Variants in FUBP1 observed in about 807,000 individuals in gnomAD.
The protein encoded by FUBP1 is far upstream element binding protein 1, also known as far upstream element-binding protein 1.
Under a neutral mutation model 94.9 loss-of-function variants are expected in FUBP1, and 16 were observed. The ratio of observed to expected loss-of-function variants is 0.17; its 90% CI spans 0.11 to 0.26. The LOEUF (loss-of-function observed/expected upper bound fraction) is 0.26. Among genes scored for constraint, FUBP1 ranks in the 10% least tolerant of loss-of-function variants. The pLI, the probability that FUBP1 is intolerant of heterozygous loss-of-function variation, is 1.00. For synonymous variants in FUBP1, 279 were observed against 254.9 expected, an observed-to-expected ratio of 1.09 and a Z score of -0.90; for missense variants, 583 against 808.6, an observed-to-expected ratio of 0.72 and a Z score of 3.38.
intron 18 of FUBP1, 140 bp from the exon 19 acceptor site, chr1:77,949,440 A>C: frequency 1.6e-6 from 1 of 619,084 alleles, no homozygotes; most frequent in South Asian, 2.4e-5. Flanking sequence ...TTGACCAAAA[A>C]AAAAAACCCC....
chr1:77,963,918 G>T, intron 12 of FUBP1, 144 bp downstream of exon 12: 1 of 685,534 alleles, frequency 1.5e-6, no homozygotes, highest in East Asian at 2.7e-5. Flanking sequence ...CCTGCTCCAA[G>T]ATCTTTACCT....
At chr1:77,964,229 T>C in intron 11 of FUBP1, 25 bp downstream of exon 11, 1 of 1,554,172 alleles carries the variant, frequency 6.4e-7, no homozygotes, top group South Asian at 1.1e-5. Context: ...CTGCCAACAC[T>C]TACAAGATTA....
Position 77,948,790 on chromosome 1 carries a change from A to G in FUBP1, c.1927-16T>C, listed in dbSNP as rs771797187. 6.2e-7 allele frequency: 1 copy of G among 1,606,186 alleles called. No homozygotes were observed. Among genetic ancestry groups the G allele is most frequent in the East Asian group, 2.2e-5 (1 of 44,796 alleles). ...ATTATTGGCCCTGTGCAGAAGAGAT[A>G]CATAAGAAATACACAAAAAGTTAAA... On this transcript the variant is annotated splice_polypyrimidine_tract_variant and intron_variant, in intron 19 of 19. Coordinates refer to ENST00000370768, the MANE Select transcript of FUBP1 (RefSeq NM_003902.5).
chr1:77,966,099 G>C (rs1006706100), intron 7 of FUBP1, among the ~76,000 whole-genome samples: 1 of 152,224 alleles, frequency 6.6e-6, no homozygotes, highest in African/African-American at 2.4e-5. Context: ...ACCTTCAGTA[G>C]GAAGAAAGGG....
At chr1:77,949,686 T>A (rs1652992917) in intron 18 of FUBP1, among the ~76,000 whole-genome samples, 1 of 152,190 alleles carries the variant, frequency 6.6e-6, no homozygotes, top group Non-Finnish European at 1.5e-5. Context: ...AAATCCACAC[T>A]GCTTTAGCTA....
intron 1 of FUBP1, among the ~76,000 whole-genome samples, chr1:77,970,454 G>C (rs576024660): frequency 5.3e-5 from 8 of 152,300 alleles, no homozygotes; most frequent in African/African-American, 1.9e-4. Flanking sequence ...AGTCTGAAAT[G>C]ATACTTGCTC....
At position 77,969,664 on chromosome 1, in the gene FUBP1, G is replaced by C. The variant is rs563016474; in HGVS notation, c.211+261C>G. On this transcript the variant is annotated intron_variant, in intron 2 of 19. Coordinates refer to ENST00000370768, the MANE Select transcript of FUBP1 (RefSeq NM_003902.5). ...GACGTCTGTGCAAACTTTCAATCTG[G>C]CACAATCCTAAAAGAGGGAAAATAA... Among the ~76,000 whole-genome samples the C allele has an allele frequency of 1.2e-4, 18 of 151,662 alleles. No homozygotes were observed. In the South Asian group the frequency reaches 2.5e-3, roughly 21 times the overall value.
Position 77,948,387 on chromosome 1 carries a change from T to A in FUBP1, c.*379A>T, listed in dbSNP as rs1170765865. On this transcript the variant is annotated 3_prime_UTR_variant, in exon 20 of 20. Coordinates refer to ENST00000370768, the MANE Select transcript of FUBP1 (RefSeq NM_003902.5). ...TATGAATCCTTTAAATACCCACATA[T>A]CCAACTTACCGACACAGGAGGTTTC... The A allele has an allele frequency of 9.3e-7, 1 of 1,072,474 alleles. No homozygotes were observed. Among genetic ancestry groups the A allele is most frequent in the East Asian group, 4.9e-5 (1 of 20,606 alleles). The allele number at this position is 1,072,474 out of a possible 1,614,324, so 66.4% of individuals were successfully genotyped here. A position where few individuals can be genotyped will look rare whatever the true frequency, so the allele number is the denominator to read the frequency against.
intron 2 of FUBP1, among the ~76,000 whole-genome samples, chr1:77,968,557 C>G (rs1656939084): frequency 6.6e-6 from 1 of 151,250 alleles, no homozygotes; most frequent in Admixed American, 6.6e-5. Flanking sequence ...ACCTCAGGAA[C>G]TGAAGACTGG....
chr1:77,960,476 C>T lies in FUBP1; in HGVS notation c.1364G>A (p.Gly455Glu), dbSNP rs1655245413. The change falls in exon 15 of 20, where the codon GGG becomes GAG. Residue 455 changes from glycine to glutamate, a missense_variant. Physicochemically the swap from Gly to Glu is moderately conservative, Grantham distance 98. Transcript: ENST00000370768. ...ATGGGGCCCATGGGGTACAGGTGGC[C>T]CTAAAGGATTTACTGGGCCCTACAA... ...EKIGGPVNPL[G>E]PPVPHGPHGV... is the part of the protein sequence containing the mutation. 2 of 1,600,572 alleles carry T rather than the reference C, an allele frequency of 1.2e-6. No homozygotes were observed. The highest frequency in any genetic ancestry group is 1.4e-5 in the African/African-American group (1 of 73,760).
chr1:77,965,272 C>T, intron 7 of FUBP1, 41 bp from the exon 8 acceptor site: 16 of 1,367,374 alleles, frequency 1.2e-5, no homozygotes, highest in Non-Finnish European at 1.6e-5. Flanking sequence ...CTGTAGCATA[C>T]CCAAGCTTAT....
intron 18 of FUBP1, among the ~76,000 whole-genome samples, chr1:77,953,488 CAAATAAATAAAT>C (rs531918552): frequency 6.2e-4 from 95 of 152,070 alleles, no homozygotes; most frequent in African/African-American, 2.2e-3. Context: ...GACTCCCTCT[CAAATAAATAAAT>C]AAATAAAATT....
At position 77,977,795 on chromosome 1, in the gene FUBP1, G is replaced by C. The variant is rs550394139; in HGVS notation, c.120+1090C>G. 4.6e-5 allele frequency among the ~76,000 whole-genome samples: 7 copies of C among 152,218 alleles called. No individual in the cohort carries two copies. The East Asian group carries it at 1.3e-3, about 29-fold the overall frequency. ...TTTGTTGACTACTCCTAGTATTTCTGGTTATAAAAAAGTACAGGTACATGT... is the reference window on the plus strand; with the variant it reads ...TTTGTTGACTACTCCTAGTATTTCTCGTTATAAAAAAGTACAGGTACATGT... On this transcript the variant is annotated intron_variant, in intron 1 of 19. Transcript: ENST00000370768.
At position 77,967,642 on chromosome 1, in the gene FUBP1, A is replaced by G. The variant is rs754392574; in HGVS notation, c.275T>C (p.Met92Thr). 1 of 1,593,460 alleles carries G rather than the reference A, an allele frequency of 6.3e-7. No individual in the cohort carries two copies. The highest frequency in any genetic ancestry group is 1.7e-5 in the Admixed American group (1 of 59,764). Reference sequence around the variant, plus strand: ...GTGACTATACCTTTGCTGCTGATGCATCGGTGGTAACTGTGTTCCAAAAGC... The same window carrying G: ...GTGACTATACCTTTGCTGCTGATGCGTCGGTGGTAACTGTGTTCCAAAAGC... ...NDSFGTQLPPMHQQQSRSVMT... is the reference protein window; with the variant it reads ...NDSFGTQLPPTHQQQSRSVMT... The change falls in exon 4 of 20, where the codon ATG (methionine) becomes ACG (threonine). Residue 92 changes from methionine (M) to threonine (T), a missense_variant. Coordinates refer to ENST00000370768, the MANE Select transcript of FUBP1 (RefSeq NM_003902.5).
intron 18 of FUBP1, among the ~76,000 whole-genome samples, 156 bp downstream of exon 18, chr1:77,955,099 T>C (rs746433819): frequency 1.2e-4 from 18 of 152,142 alleles, no homozygotes; most frequent in Non-Finnish European, 2.5e-4. Flanking sequence ...AAAAAAAATT[T>C]CCTTGCCATA....
rs1367230387 is a variant in FUBP1 at position 77,955,676 on chromosome 1, TGTG to T, written c.1706-350_1706-348del. On this transcript the variant is annotated intron_variant, in intron 17 of 19. Coordinates refer to ENST00000370768, the MANE Select transcript of FUBP1 (RefSeq NM_003902.5). ...GAAAACCCCAAAATGCTGAAACGGA[TGTG>T]GTGATATGAACATAGTTTTTAAAAA... 2.6e-5 allele frequency among the ~76,000 whole-genome samples: 4 copies of T among 152,312 alleles called. No individual in the cohort carries two copies. The East Asian group carries it at 7.7e-4, about 29-fold the overall frequency.
chr1:77,949,438 A>G (rs993395177), intron 18 of FUBP1, 138 bp from the exon 19 acceptor site: 32 of 620,102 alleles, frequency 5.2e-5, no homozygotes, highest in Middle Eastern at 3.7e-4. Context: ...TGTTGACCAA[A>G]AAAAAAAACC....
chr1:77,978,148 G>A (rs1453409229), intron 1 of FUBP1, among the ~76,000 whole-genome samples: 1 of 152,180 alleles, frequency 6.6e-6, no homozygotes, highest in East Asian at 1.9e-4. Context: ...TTATTTTCCT[G>A]GAATACACGC....
chr1:77,977,028 G>A (rs1658730748), intron 1 of FUBP1, among the ~76,000 whole-genome samples: 1 of 152,126 alleles, frequency 6.6e-6, no homozygotes, highest in Admixed American at 6.5e-5. Context: ...CTTTACTTAG[G>A]AAATTGGGCA....
Sources: gnomAD v4.1 joint callset for allele counts (sites outside exome capture counted in the v4.1 genomes callset) on GRCh38, gnomAD v4.1.1 for gene constraint, MANE v1.5 for transcripts, NCBI Gene and HGNC (gene_info 2026-07-23, HGNC 2026-07-21) for gene names.